Variants in SPATA21 observed in about 807,000 individuals in gnomAD.
SPATA21 encodes the protein spermatogenesis associated 21.
In SPATA21, 47 loss-of-function variants were observed where a neutral mutation model predicts 54.8. The ratio of observed to expected loss-of-function variants is 0.86; its 90% CI spans 0.68 to 1.09. The LOEUF (loss-of-function observed/expected upper bound fraction) is 1.09. SPATA21 is among the 50% of genes least tolerant of loss of function. SPATA21 has a pLI of 0.00. For synonymous variants in SPATA21, 245 were observed against 235.3 expected (o/e 1.04, Z -0.38); for missense variants, 599 against 596.4 (o/e 1.00, Z -0.05).
Position 16,431,363 on chromosome 1 carries a change from A to G in SPATA21, c.9T>C (p.Asn3=), listed in dbSNP as rs759690537. 49 of 1,613,808 alleles carry G rather than the reference A, an allele frequency of 3.0e-5. No individual in the cohort carries two copies. The highest frequency in any genetic ancestry group is 4.2e-5 in the Non-Finnish European group (49 of 1,179,986). The change falls in exon 3 of 13, where the codon AAT becomes AAC. Residue 3 remains asparagine, a synonymous_variant. Transcript: ENST00000335496. ...CCTCCGTGTACATCTGGGTGTTTCT[A>G]TTGTCCATGATGCCAGCGCCAACAC... MD[N]RNTQMYTEEE... is the part of the protein sequence containing the mutation.
intron 2 of SPATA21, among the ~76,000 whole-genome samples, chr1:16,432,111 CTTCT>C (rs1240117520): frequency 1.1e-4 from 14 of 128,710 alleles, no homozygotes; most frequent in South Asian, 2.3e-4. Flanking sequence ...TCTTCTTCTT[CTTCT>C]TTTTTTTTTT....
intron 3 of SPATA21, among the ~76,000 whole-genome samples, chr1:16,426,717 A>C (rs986910242): frequency 6.6e-6 from 1 of 150,604 alleles, no homozygotes; most frequent in African/African-American, 2.4e-5. Flanking sequence ...AGTAGCTGGG[A>C]TTACAGGCAT....
chr1:16,400,526 G>T, intron 11 of SPATA21, 194 bp downstream of exon 11: 1 of 1,368,954 alleles, frequency 7.3e-7, no homozygotes, highest in Non-Finnish European at 9.4e-7. Context: ...AACGCAGGAG[G>T]CCATTGTCAT....
chr1:16,404,933 C>G, intron 8 of SPATA21, 34 bp downstream of exon 8: 1 of 1,526,684 alleles, frequency 6.6e-7, no homozygotes, highest in East Asian at 2.4e-5. Flanking sequence ...GCAGGCCCTG[C>G]CTGGGATGCA....
Position 16,409,191 on chromosome 1 carries a change from T to C in SPATA21, c.600A>G (p.Glu200=). The change falls in exon 7 of 13, where the codon GAA becomes GAG. Residue 200 remains glutamate (E), a synonymous_variant. Transcript: ENST00000335496. The surrounding 1 kb of genome is among the most constrained non-coding windows in gnomAD (Gnocchi z 4.1). ...LSYAKARQEP[E]EQSLQKLYQN... is the part of the protein sequence containing the mutation. ...GATAAAGCTTTTGGAGGCTCTGCTC[T>C]TCCGGCTCCTGCCTGCAGAGGACAG... is the stretch of plus-strand genomic sequence containing the variant. 2 of 1,614,126 alleles carry C rather than the reference T, an allele frequency of 1.2e-6. No homozygotes were observed. Among genetic ancestry groups the C allele is most frequent in the Non-Finnish European group, 1.7e-6 (2 of 1,180,004 alleles).
chr1:16,396,004 C>T (rs1325250503), downstream of SPATA21: 2 of 152,702 alleles, frequency 1.3e-5, no homozygotes, highest in Non-Finnish European at 2.9e-5. Flanking sequence ...GAACCGACTT[C>T]CCCTTCCCAT....
At chr1:16,407,010 G>A (rs1003448207) in intron 7 of SPATA21, among the ~76,000 whole-genome samples, 2 of 152,244 alleles carry the variant, frequency 1.3e-5, no homozygotes, top group African/African-American at 4.8e-5. Flanking sequence ...TGGGCAGGCT[G>A]CTGCATTCAT....
At position 16,398,755 on chromosome 1, in the gene SPATA21, C is replaced by A; in HGVS notation, c.*10G>T. 1 of 1,613,866 alleles carries A rather than the reference C, an allele frequency of 6.2e-7. No individual in the cohort carries two copies. Among genetic ancestry groups the A allele is most frequent in the African/African-American group, 1.3e-5 (1 of 75,030 alleles). The stretch of plus-strand genomic sequence containing the variant: ...CTTGAGCAGCTGCCTAGAGTCAGGC[C>A]TCCAGAGGGTCAGTGGGTTCGAGCT... On this transcript the variant is annotated 3_prime_UTR_variant, in exon 13 of 13. Transcript: ENST00000335496.
chr1:16,409,019 T>C lies in SPATA21; in HGVS notation c.673+99A>G. The stretch of plus-strand genomic sequence containing the variant: ...GGTCTGCTACACATGGCGGCAGCCA[T>C]GTGATCTGGAAAGCACCCCAGTCCG... On this transcript the variant is annotated intron_variant, in intron 7 of 12. Transcript: ENST00000335496. The surrounding 1 kb of genome is among the most constrained non-coding windows in gnomAD (Gnocchi z 4.1). 7.9e-7 allele frequency: 1 copy of C among 1,267,392 alleles called. No individual in the cohort carries two copies. The highest frequency in any genetic ancestry group is 1.1e-6 in the Non-Finnish European group (1 of 882,792). 78.5% of individuals were successfully genotyped at this position (1,267,392 alleles called of 1,614,324 possible).
chr1:16,415,655 G>C (rs1369037118), intron 5 of SPATA21, among the ~76,000 whole-genome samples: 1 of 152,094 alleles, frequency 6.6e-6, no homozygotes, highest in Non-Finnish European at 1.5e-5. Context: ...CACCTCCCGG[G>C]TTCACGCCAT....
intron 1 of SPATA21, 114 bp downstream of exon 1, chr1:16,437,014 T>C (rs753181087): frequency 6.6e-6 from 1 of 152,194 alleles, no homozygotes; most frequent in Admixed American, 6.5e-5. Flanking sequence ...CTTGGAAATA[T>C]CTATGATGGC....
rs866269201 is a variant in SPATA21, at chr1:16,431,718, C to G, written c.-51-296G>C. On this transcript the variant is annotated intron_variant, in intron 2 of 12. Transcript: ENST00000335496. ...GGATTTGAACCATGGCCTGTTGAATCCCAAAACCCAGGCGCTTTCCCCGAC... is the reference window on the plus strand; with the variant it reads ...GGATTTGAACCATGGCCTGTTGAATGCCAAAACCCAGGCGCTTTCCCCGAC... Among the ~76,000 whole-genome samples the G allele has an allele frequency of 3.9e-5, 6 of 152,280 alleles. No homozygotes were observed. The South Asian group carries it at 1.2e-3, about 32-fold the overall frequency.
intron 3 of SPATA21, chr1:16,425,699 C>T: frequency 6.5e-7 from 1 of 1,549,984 alleles, no homozygotes; most frequent in South Asian, 1.2e-5. Context: ...CTCCTGGGAC[C>T]CTTCCTGGGG....
At chr1:16,404,789 A>G (rs528332798) in intron 8 of SPATA21, among the ~76,000 whole-genome samples, 178 bp downstream of exon 8, 2 of 152,360 alleles carry the variant, frequency 1.3e-5, no homozygotes, top group East Asian at 3.9e-4. Context: ...AGTCTGAGCA[A>G]CAGAACCAGA....
chr1:16,430,484 A>C (rs1483457342), intron 3 of SPATA21, among the ~76,000 whole-genome samples: 1 of 152,154 alleles, frequency 6.6e-6, no homozygotes, highest in Admixed American at 6.6e-5. Flanking sequence ...AAAGAGGCTG[A>C]GAGGTGTGAT....
intron 3 of SPATA21, among the ~76,000 whole-genome samples, chr1:16,424,197 C>T (rs2086252137): frequency 2.2e-5 from 3 of 139,268 alleles, no homozygotes; most frequent in Non-Finnish European, 3.1e-5. Flanking sequence ...CCTGTAATCC[C>T]AGCACTTTGG....
Position 16,421,527 on chromosome 1 carries a change from C to T in SPATA21, c.126G>A (p.Pro42=), listed in dbSNP as rs779260111. The T allele has an allele frequency of 1.9e-5, 30 of 1,613,478 alleles. No individual in the cohort carries two copies. Among genetic ancestry groups the T allele is most frequent in the Middle Eastern group, 1.6e-4 (1 of 6,080 alleles). Residue 42 remains proline (P), a synonymous_variant, in exon 5 of 13, where the codon CCG becomes CCA. Coordinates refer to ENST00000335496, the MANE Select transcript of SPATA21 (RefSeq NM_198546.1). This position sits in a 1 kb window ranked among gnomAD's most constrained non-coding sequence, Gnocchi z 5.2. ...TACTTACTGGTGGAGGAAGAGGCCC[C>T]GGTGCTGGGTGGGTCTCCACAGCCT... is the stretch of plus-strand genomic sequence containing the variant. The part of the protein sequence containing the change: ...GGEAVETHPA[P]GPLPPPEVRD...
intron 5 of SPATA21, chr1:16,410,816 G>A (rs2085820262): frequency 2.5e-6 from 1 of 405,922 alleles, no homozygotes; most frequent in Non-Finnish European, 5.0e-6. Context: ...AAAGTGCTGG[G>A]ATGACAAGCG....
intron 5 of SPATA21, chr1:16,410,710 C>G: frequency 4.1e-6 from 1 of 246,906 alleles, no homozygotes; most frequent in Non-Finnish European, 8.5e-6. Flanking sequence ...TGCGCCCGGC[C>G]TAATCTTTGT....
Sources: gnomAD v4.1 joint callset for allele counts (sites outside exome capture counted in the v4.1 genomes callset) on GRCh38, gnomAD v4.1.1 for gene constraint, Gnocchi (gnomAD v3.1) non-coding constraint, MANE v1.5 for transcripts, NCBI Gene and HGNC (gene_info 2026-07-23, HGNC 2026-07-21) for gene names.